The following SH3PXD2A variants were observed in gnomAD, a reference collection of about 807,000 sequenced individuals.
The protein encoded by SH3PXD2A is SH3 and PX domains 2A.
SH3PXD2A carries 32 observed loss-of-function variants against 115.2 expected under a neutral mutation model. The observed-to-expected ratio is 0.28, with a 90% CI of 0.21 to 0.37. The LOEUF (loss-of-function observed/expected upper bound fraction) is 0.37. Ranked by LOEUF, SH3PXD2A falls within the 10% of genes least tolerant of loss-of-function variation. The probability of loss-of-function intolerance (pLI) is 1.00; values close to 1 mark genes in which losing one functional copy is unlikely to be tolerated. For synonymous variants in SH3PXD2A, 610 were observed against 629.1 expected (o/e 0.97, Z 0.45); for missense variants, 1,328 against 1,498.7 (o/e 0.89, Z 1.88).
At chr10:103,698,440 G>A (rs1305961759) in intron 5 of SH3PXD2A, among the ~76,000 whole-genome samples, 3 of 152,248 alleles carry the variant, frequency 2.0e-5, no homozygotes, top group African/African-American at 7.2e-5. Context: ...GCTGGGCCCA[G>A]GATGCCTGTC....
At chr10:103,612,343 A>G (rs908407101) in intron 12 of SH3PXD2A, among the ~76,000 whole-genome samples, 5 of 152,198 alleles carry the variant, frequency 3.3e-5, no homozygotes, top group Non-Finnish European at 5.9e-5. Context: ...TAACGAGTGG[A>G]AAGTCATAGG....
intron 3 of SH3PXD2A, chr10:103,736,811 G>A (rs2038385908): frequency 1.6e-6 from 2 of 1,288,042 alleles, no homozygotes; most frequent in Non-Finnish European, 2.0e-6. Flanking sequence ...TGTTGCCTCA[G>A]TCTACCTAAT....
rs570654976 is a variant in SH3PXD2A, at chr10:103,640,815, G to C, written c.605-13613C>G. ...CAGAAGGGTGCAACAGGAAGAAAGG[G>C]GGCCTGGCAGTGAGTGAGCTACTGG... On this transcript the variant is annotated intron_variant, in intron 8 of 14. Coordinates refer to ENST00000369774, the MANE Select transcript of SH3PXD2A (RefSeq NM_001394015.1). Among the ~76,000 whole-genome samples the C allele has an allele frequency of 4.5e-4, 69 of 152,248 alleles. No homozygotes were observed. The South Asian group carries it at 0.012, about 27-fold the overall frequency.
At chr10:103,708,978 A>G (rs1440354978) in intron 5 of SH3PXD2A, among the ~76,000 whole-genome samples, 1 of 151,930 alleles carries the variant, frequency 6.6e-6, no homozygotes, top group Non-Finnish European at 1.5e-5. Context: ...GGGGCCAGGA[A>G]GAGGTGCCCC....
chr10:103,783,242 G>T (rs1245652977), intron 2 of SH3PXD2A, among the ~76,000 whole-genome samples: 1 of 152,228 alleles, frequency 6.6e-6, no homozygotes, highest in African/African-American at 2.4e-5. Flanking sequence ...CTTCAGAAAG[G>T]TTCAAGGCCA....
intron 8 of SH3PXD2A, among the ~76,000 whole-genome samples, chr10:103,660,597 G>A (rs866631866): frequency 3.9e-5 from 6 of 152,198 alleles, no homozygotes; most frequent in African/African-American, 1.4e-4. Context: ...CCAGCTGGCT[G>A]GGCTGTCCTG....
At position 103,794,641 on chromosome 10, in the gene SH3PXD2A, A is replaced by G. The variant is rs116364915; in HGVS notation, c.153+6641T>C. Among the ~76,000 whole-genome samples the G allele has an allele frequency of 2.9e-3, 443 of 152,312 alleles. 4 individuals are homozygous for G. Among genetic ancestry groups the G allele is most frequent in the African/African-American group, 0.01 (435 of 41,566 alleles). ...CCCACCTCAACTGCACCTCCAAGCA[A>G]CCCAGGCCCTTAATCACCAAATGGG... On this transcript the variant is annotated intron_variant, in intron 2 of 14. Coordinates refer to ENST00000369774, the MANE Select transcript of SH3PXD2A (RefSeq NM_001394015.1).
At chr10:103,818,477 A>G (rs1368972311) in intron 1 of SH3PXD2A, among the ~76,000 whole-genome samples, 1 of 152,214 alleles carries the variant, frequency 6.6e-6, no homozygotes, top group Non-Finnish European at 1.5e-5. Context: ...TCAGCAACAA[A>G]GAAACCGGCT....
intron 4 of SH3PXD2A, among the ~76,000 whole-genome samples, chr10:103,733,668 A>C (rs1018502443): frequency 6.6e-6 from 1 of 152,210 alleles, no homozygotes; most frequent in South Asian, 2.1e-4. Flanking sequence ...CGAAATTCAA[A>C]CTTCAGTTTA....
At position 103,724,279 on chromosome 10, in the gene SH3PXD2A, G is replaced by C; in HGVS notation, c.389C>G (p.Pro130Arg). 1.3e-6 allele frequency: 2 copies of C among 1,567,308 alleles called. No homozygotes were observed. Among genetic ancestry groups the C allele is most frequent in the African/African-American group, 1.4e-5 (1 of 71,890 alleles). Residue 130 changes from proline (P) to arginine (R), a missense_variant, in exon 5 of 15, where the codon CCT becomes CGT. This residue lies in a region of SH3PXD2A where 90 missense variants were observed against 71.1 expected (regional missense o/e 1.27). Transcript: ENST00000369774. ...CTGAGCTATTACTTACTCTTTTGGA[G>C]GGTTGACATCCTCGGGTCGAGCCTC... The part of the protein sequence containing the change: ...FFEARPEDVN[P>R]PKEDYGSSKR...
chr10:103,633,455 G>C (rs988860815), intron 8 of SH3PXD2A, among the ~76,000 whole-genome samples: 1 of 151,796 alleles, frequency 6.6e-6, no homozygotes, highest in East Asian at 1.9e-4. Context: ...GGGCGTGGTG[G>C]CTCACGGCTG....
chr10:103,667,445 G>A (rs1369978452), intron 7 of SH3PXD2A, among the ~76,000 whole-genome samples: 1 of 152,264 alleles, frequency 6.6e-6, no homozygotes, highest in Middle Eastern at 3.2e-3. Flanking sequence ...TGTGGGCCAA[G>A]TGGGCTCTGG....
chr10:103,852,699 A>C (rs1024654616), intron 1 of SH3PXD2A, among the ~76,000 whole-genome samples: 1 of 151,922 alleles, frequency 6.6e-6, no homozygotes, highest in Non-Finnish European at 1.5e-5. Flanking sequence ...AGCCTCCCCA[A>C]ACCCGCTCCT....
Position 103,722,483 on chromosome 10 carries a change from G to A in SH3PXD2A, c.398+1787C>T, listed in dbSNP as rs138348749. On this transcript the variant is annotated intron_variant, in intron 5 of 14. Transcript: ENST00000369774. ...TTTACATTTTAAATTTTAATTTTTT[G>A]TAGAGACAAGGTCTCACTGTGTTGC... 8.2e-3 allele frequency among the ~76,000 whole-genome samples: 1,239 copies of A among 151,800 alleles called. 17 individuals carry two copies. Among genetic ancestry groups the A allele is most frequent in the African/African-American group, 0.029 (1,199 of 41,370 alleles).
intron 5 of SH3PXD2A, among the ~76,000 whole-genome samples, chr10:103,718,514 C>T (rs2038135415): frequency 6.6e-6 from 1 of 152,208 alleles, no homozygotes; most frequent in Non-Finnish European, 1.5e-5. Context: ...AGGGGCCTAA[C>T]AGAACTGCAC....
chr10:103,758,315 G>A (rs899851291), intron 3 of SH3PXD2A, among the ~76,000 whole-genome samples: 1 of 152,164 alleles, frequency 6.6e-6, no homozygotes, highest in African/African-American at 2.4e-5. Flanking sequence ...GCACCCCTGG[G>A]CCCTGATGAT....
chr10:103,654,855 T>C (rs779365924), intron 8 of SH3PXD2A, among the ~76,000 whole-genome samples: 1 of 152,000 alleles, frequency 6.6e-6, no homozygotes, highest in Non-Finnish European at 1.5e-5. Flanking sequence ...CAAATCAAGA[T>C]GAAAAGCAGC....
chr10:103,789,558 A>AC (rs1564889464), intron 2 of SH3PXD2A, among the ~76,000 whole-genome samples: 235 of 134,298 alleles, frequency 1.7e-3, no homozygotes, highest in African/African-American at 6.2e-3. Context: ...CACACACACA[A>AC]CACTCACCTG....
chr10:103,764,830 T>C (rs1564883511), intron 3 of SH3PXD2A, among the ~76,000 whole-genome samples: 1 of 152,182 alleles, frequency 6.6e-6, no homozygotes, highest in East Asian at 1.9e-4. Flanking sequence ...CCTGGCTGTG[T>C]AGCCTTGTGC....
Sources: allele counts gnomAD v4.1 joint callset (sites outside exome capture counted in the v4.1 genomes callset), GRCh38; gene constraint gnomAD v4.1.1; regional missense constraint gnomAD v4.1.1; transcripts MANE v1.5; gene names NCBI Gene and HGNC (gene_info 2026-07-23, HGNC 2026-07-21).